IL2: variants seen among roughly 807,000 people sequenced by gnomAD.
The protein encoded by IL2 is interleukin 2.
IL2 carries 3 observed loss-of-function variants against 14.6 expected under a neutral mutation model. That is an observed-to-expected ratio of 0.21 (90% CI 0.09 to 0.53). The LOEUF (loss-of-function observed/expected upper bound fraction) is 0.53. IL2 is among the 20% of genes least tolerant of loss of function. The pLI, the probability that IL2 is intolerant of heterozygous loss-of-function variation, is 0.95. For missense variants in IL2, 125 were observed against 170.8 expected, an observed-to-expected ratio of 0.73 and a Z score of 1.50; for synonymous variants, 71 against 60.0, an observed-to-expected ratio of 1.18 and a Z score of -0.85.
chr4:122,455,292 AG>A (rs1797718549), intron 2 of IL2, among the ~76,000 whole-genome samples: 1 of 151,878 alleles, frequency 6.6e-6, no homozygotes, highest in Non-Finnish European at 1.5e-5. Flanking sequence ...GCTACTAGGT[AG>A]CTTTACACAC....
intron 3 of IL2, 134 bp from the exon 4 acceptor site, chr4:122,451,996 TTGAAA>T: frequency 5.2e-6 from 2 of 387,006 alleles, no homozygotes; most frequent in Non-Finnish European, 4.7e-6. Context: ...TCACATTTTC[TTGAAA>T]TGATCAAAAT....
At chr4:122,454,376 AAT>A (rs1797709467) in intron 2 of IL2, among the ~76,000 whole-genome samples, 1 of 151,816 alleles carries the variant, frequency 6.6e-6, no homozygotes, top group East Asian at 1.9e-4. Context: ...CACATTTTTA[AAT>A]ATGTCTTAAA....
intron 3 of IL2, among the ~76,000 whole-genome samples, chr4:122,452,588 A>AT (rs137864041): frequency 0.085 from 12,942 of 152,038 alleles, 1,878 homozygotes; most frequent in African/African-American, 0.29. Flanking sequence ...AGGAGGAAAT[A>AT]TTTTGATATA....
At chr4:122,455,859 T>G (rs988525207) in intron 2 of IL2, among the ~76,000 whole-genome samples, 4 of 151,956 alleles carry the variant, frequency 2.6e-5, no homozygotes, top group Non-Finnish European at 5.9e-5. Context: ...TTTACATTTT[T>G]AAATGAAACC....
chr4:122,451,905 T>TAAAA, intron 3 of IL2, 43 bp from the exon 4 acceptor site: 1 of 935,532 alleles, frequency 1.1e-6, no homozygotes, highest in Non-Finnish European at 1.6e-6. Context: ...CAGAGTAGTT[T>TAAAA]ACCTTATATA....
In IL2 at chr4:122,456,141, T is replaced by C; in HGVS notation, c.207+3A>G. 1.9e-6 allele frequency: 3 copies of C among 1,591,620 alleles called. No individual in the cohort carries two copies. Among genetic ancestry groups the C allele is most frequent in the East Asian group, 2.2e-5 (1 of 44,650 alleles). On this transcript the variant is annotated splice_donor_region_variant and intron_variant, in intron 2 of 3. Transcript: ENST00000226730. ...GAAATTGAACATAAAATATTGTACT[T>C]ACCTTCTTGGGCATGTAAAACTTAA...
intron 2 of IL2, among the ~76,000 whole-genome samples, chr4:122,455,420 C>G (rs1015966879): frequency 2.0e-5 from 3 of 151,758 alleles, no homozygotes; most frequent in Non-Finnish European, 4.4e-5. Flanking sequence ...ATCTCAAGTT[C>G]TATTGGTAAA....
At position 122,456,401 on chromosome 4, in the gene IL2, G is replaced by T. The variant is rs1237739900; in HGVS notation, c.40C>A (p.Leu14Ile). 6.8e-6 allele frequency: 11 copies of T among 1,611,996 alleles called. No individual in the cohort carries two copies. The African/African-American group carries it at 9.4e-5, about 14-fold the overall frequency. The stretch of plus-strand genomic sequence containing the variant: ...GGTGCACTGTTTGTGACAAGTGCAA[G>T]ACTTAGTGCAATGCAAGACAGGAGT... ...MQLLSCIALS[L>I]ALVTNSAPTS... Residue 14 changes from leucine (L) to isoleucine (I), a missense_variant, in exon 1 of 4, where the codon CTT becomes ATT. Leu to Ile is a conservative substitution (Grantham distance 5). Coordinates refer to ENST00000226730, the MANE Select transcript of IL2 (RefSeq NM_000586.4).
In IL2 at chr4:122,456,434, T is replaced by G. The variant is rs1797730782; in HGVS notation, c.7A>C (p.Arg3=). 2.5e-6 allele frequency: 4 copies of G among 1,607,106 alleles called. No homozygotes were observed. Among genetic ancestry groups the G allele is most frequent in the Non-Finnish European group, 3.4e-6 (4 of 1,175,372 alleles). Residue 3 remains arginine, a synonymous_variant, in exon 1 of 4, where the codon AGG becomes CGG. Coordinates refer to ENST00000226730, the MANE Select transcript of IL2 (RefSeq NM_000586.4). Reference sequence around the variant, plus strand: ...GCAATGCAAGACAGGAGTTGCATCCTGTACATTGTGGCAGGAGTTGAGGTT... The same window carrying G: ...GCAATGCAAGACAGGAGTTGCATCCGGTACATTGTGGCAGGAGTTGAGGTT... MY[R]MQLLSCIALS... is the part of the protein sequence containing the mutation.
Position 122,453,769 on chromosome 4 carries a change from A to G in IL2, c.292T>C (p.Phe98Leu), listed in dbSNP as rs1179154613. 1.2e-6 allele frequency: 2 copies of G among 1,611,570 alleles called. No homozygotes were observed. The highest frequency in any genetic ancestry group is 2.2e-5 in the East Asian group (1 of 44,776). Residue 98 changes from phenylalanine (F) to leucine (L), a missense_variant, in exon 3 of 4, where the codon TTT becomes CTT. By Grantham distance (22) the Phe-to-Leu change is conservative. Transcript: ENST00000226730. ...ATTAAGTCCCTGGGTCTTAAGTGAA[A>G]GTTTTTGCTTTGAGCTAAATTTAGC... ...EVLNLAQSKNFHLRPRDLISN... is the reference protein window; with the variant it reads ...EVLNLAQSKNLHLRPRDLISN...
chr4:122,456,178 C>G lies in IL2; in HGVS notation c.173G>C (p.Arg58Thr). The stretch of plus-strand genomic sequence containing the variant: ...CATGTAAAACTTAAATGTGAGCATC[C>G]TGGTGAGTTTGGGATTCTTGTAATT... ...INNYKNPKLT[R>T]MLTFKFYMPK... The change falls in exon 2 of 4, where the codon AGG becomes ACG. Residue 58 changes from arginine to threonine, a missense_variant. By Grantham distance (71) the Arg-to-Thr change is moderately conservative (BLOSUM62 -1). Coordinates refer to ENST00000226730, the MANE Select transcript of IL2 (RefSeq NM_000586.4). 1 of 1,608,910 alleles carries G rather than the reference C, an allele frequency of 6.2e-7. No individual in the cohort carries two copies. Among genetic ancestry groups the G allele is most frequent in the Non-Finnish European group, 8.5e-7 (1 of 1,176,126 alleles).
In IL2 at chr4:122,453,844, G is replaced by A; in HGVS notation, c.217C>T (p.Leu73=). 1 of 1,607,624 alleles carries A rather than the reference G, an allele frequency of 6.2e-7. No homozygotes were observed. The highest frequency in any genetic ancestry group is 2.2e-5 in the East Asian group (1 of 44,756). The stretch of plus-strand genomic sequence containing the variant: ...TCTTCTAGACACTGAAGATGTTTCA[G>A]TTCTGTGGCCTAGAATAATAATTAT... The part of the protein sequence containing the change: ...KFYMPKKATE[L]KHLQCLEEEL... Residue 73 remains leucine (L), a synonymous_variant, in exon 3 of 4, where the codon CTG becomes TTG. Coordinates refer to ENST00000226730, the MANE Select transcript of IL2 (RefSeq NM_000586.4).
chr4:122,453,810 T>C lies in IL2; in HGVS notation c.251A>G (p.Lys84Arg). The C allele has an allele frequency of 2.5e-6, 4 of 1,611,760 alleles. No individual in the cohort carries two copies. The highest frequency in any genetic ancestry group is 3.4e-6 in the Non-Finnish European group (4 of 1,178,444). Residue 84 changes from lysine (K) to arginine (R), a missense_variant, in exon 3 of 4, where the codon AAA becomes AGA. Transcript: ENST00000226730. ...TAAATTTAGCACTTCCTCCAGAGGT[T>C]TGAGTTCTTCTTCTAGACACTGAAG... The part of the protein sequence containing the change: ...KHLQCLEEEL[K>R]PLEEVLNLAQ...
At chr4:122,455,181 A>T (rs1045007242) in intron 2 of IL2, among the ~76,000 whole-genome samples, 4 of 151,766 alleles carry the variant, frequency 2.6e-5, no homozygotes, top group Non-Finnish European at 5.9e-5. Context: ...ATGGGATTGC[A>T]TCTGTGTCCC....
At chr4:122,452,502 T>C (rs924713460) in intron 3 of IL2, among the ~76,000 whole-genome samples, 3 of 152,054 alleles carry the variant, frequency 2.0e-5, no homozygotes, top group Non-Finnish European at 2.9e-5. Flanking sequence ...AATTTTGTTC[T>C]GTGGACTGGC....
chr4:122,455,410 A>G (rs1254459737), intron 2 of IL2, among the ~76,000 whole-genome samples: 1 of 151,918 alleles, frequency 6.6e-6, no homozygotes, highest in African/African-American at 2.4e-5. Flanking sequence ...AGCATTATAA[A>G]TCTCAAGTTC....
chr4:122,452,950 AT>A (rs1325485541), intron 3 of IL2, among the ~76,000 whole-genome samples: 1 of 152,006 alleles, frequency 6.6e-6, no homozygotes, highest in East Asian at 1.9e-4. Context: ...ATCTCAATGT[AT>A]TTTTTTAATT....
At chr4:122,452,634 G>T (rs1797687598) in intron 3 of IL2, among the ~76,000 whole-genome samples, 1 of 152,006 alleles carries the variant, frequency 6.6e-6, no homozygotes, top group Non-Finnish European at 1.5e-5. Flanking sequence ...CAAATTTGAA[G>T]TGATTCCTAC....
chr4:122,453,970 A>G (rs534711472), intron 2 of IL2, 117 bp from the exon 3 acceptor site: 2 of 881,368 alleles, frequency 2.3e-6, no homozygotes, highest in Admixed American at 2.7e-5. Context: ...TCTGTTCTCA[A>G]TGTCACTGTA....
Sources: gnomAD v4.1 joint callset for allele counts (sites outside exome capture counted in the v4.1 genomes callset) on GRCh38, gnomAD v4.1.1 for gene constraint, MANE v1.5 for transcripts, NCBI Gene and HGNC (gene_info 2026-07-23, HGNC 2026-07-21) for gene names.